DFFB: variants seen among roughly 807,000 people sequenced by gnomAD.
DFFB encodes DNA fragmentation factor subunit beta.
In DFFB, 29 loss-of-function variants were observed where a neutral mutation model predicts 32.7. The observed-to-expected ratio is 0.89, with a 90% confidence interval of 0.66 to 1.21. The LOEUF is 1.21. DFFB is among the 50% of genes most tolerant of loss of function. The probability of loss-of-function intolerance (pLI) is 0.00; values close to 1 mark genes in which losing one functional copy is unlikely to be tolerated. For synonymous variants in DFFB, 170 were observed against 177.1 expected (o/e 0.96, Z 0.32); for missense variants, 398 against 440.6 (o/e 0.90, Z 0.87).
At chr1:3,873,081 A>C in intron 6 of DFFB, 1 of 940,174 alleles carries the variant, frequency 1.1e-6, no homozygotes, top group Non-Finnish European at 1.4e-6. Flanking sequence ...TGAAGCCCTG[A>C]ACTCCTGGCC....
chr1:3,863,747 G>A (rs951409146), intron 2 of DFFB, among the ~76,000 whole-genome samples: 2 of 152,072 alleles, frequency 1.3e-5, no homozygotes, highest in Non-Finnish European at 2.9e-5. Flanking sequence ...ACATACAGTA[G>A]GGTTCCATTC....
intron 3 of DFFB, 81 bp downstream of exon 3, chr1:3,866,081 C>T: frequency 8.3e-7 from 1 of 1,211,172 alleles, no homozygotes; most frequent in Non-Finnish European, 1.1e-6. Flanking sequence ...CAAAAAGCCC[C>T]CAGTGAAGGG....
chr1:3,857,663 C>T lies in DFFB; in HGVS notation c.60C>T (p.Gly20=), dbSNP rs767448048. 3.1e-6 allele frequency: 5 copies of T among 1,597,140 alleles called. No individual in the cohort carries two copies. The highest frequency in any genetic ancestry group is 4.6e-5 in the East Asian group (2 of 43,688). Reference sequence around the variant, plus strand: ...CCCTGCGCAGCCCGAGGAAGTTCGGCGTGGCTGGCCGGAGCTGCCAGGAGG... The same window carrying T: ...CCCTGCGCAGCCCGAGGAAGTTCGGTGTGGCTGGCCGGAGCTGCCAGGAGG... ...LRALRSPRKF[G]VAGRSCQEVL... is the part of the protein sequence containing the mutation. The change falls in exon 1 of 7, where the codon GGC becomes GGT. Residue 20 remains glycine (G), a synonymous_variant. Transcript: ENST00000378209.
At position 3,869,612 on chromosome 1, in the gene DFFB, C is replaced by T. The variant is rs767679708; in HGVS notation, c.518C>T (p.Ser173Phe). ...RIRSYLREVS[S>F]YPSTVGAEAQ... ...GTTCCTTGGTTCCTCCAGGTGAGCTCCTACCCCTCCACGGTGGGTGCGGAG... is the reference window on the plus strand; with the variant it reads ...GTTCCTTGGTTCCTCCAGGTGAGCTTCTACCCCTCCACGGTGGGTGCGGAG... Residue 173 changes from serine (S) to phenylalanine (F), a missense_variant, in exon 5 of 7, where the codon TCC becomes TTC. By Grantham distance (155) the Ser-to-Phe change is radical. Transcript: ENST00000378209. 4.8e-5 allele frequency: 78 copies of T among 1,610,426 alleles called. No individual in the cohort carries two copies. Among genetic ancestry groups the T allele is most frequent in the Non-Finnish European group, 8.5e-6 (10 of 1,178,710 alleles).
At chr1:3,863,378 G>C (rs143741500) in intron 2 of DFFB, among the ~76,000 whole-genome samples, 2 of 152,270 alleles carry the variant, frequency 1.3e-5, no homozygotes, top group African/African-American at 4.8e-5. Flanking sequence ...TGTGGGCGAG[G>C]ATGCAGAGCG....
intron 6 of DFFB, among the ~76,000 whole-genome samples, chr1:3,881,291 A>C (rs922618669): frequency 6.6e-6 from 1 of 152,234 alleles, no homozygotes; most frequent in Admixed American, 6.5e-5. Context: ...CAACCCCCGG[A>C]AGCCACTGCA....
At chr1:3,861,924 AG>A (rs2124727771) in intron 2 of DFFB, among the ~76,000 whole-genome samples, 1 of 152,358 alleles carries the variant, frequency 6.6e-6, no homozygotes, top group South Asian at 2.1e-4. Flanking sequence ...CAGATTGGAA[AG>A]GAAGAAGTGA....
intron 4 of DFFB, 103 bp downstream of exon 4, chr1:3,868,156 C>A: frequency 9.6e-7 from 1 of 1,044,210 alleles, no homozygotes; most frequent in Non-Finnish European, 1.5e-6. Context: ...GGTAGGACCA[C>A]ACTCCGTGCT....
At position 3,883,925 on chromosome 1, in the gene DFFB, G is replaced by GCTGTT. The variant is rs1553172289; in HGVS notation, c.*184_*185insCTGTT. The stretch of plus-strand genomic sequence containing the variant: ...TTTCTGAATTGTTGGGGTTTTTTTT[G>GCTGTT]TTGTTTTGTTTTGTTTTGTAGATGG... On this transcript the variant is annotated 3_prime_UTR_variant, in exon 7 of 7. Coordinates refer to ENST00000378209, the MANE Select transcript of DFFB (RefSeq NM_004402.4). 11 of 602,234 alleles carry GCTGTT rather than the reference G, an allele frequency of 1.8e-5. No individual in the cohort carries two copies. In the African/African-American group the frequency reaches 1.9e-4, roughly 10 times the overall value. The allele number at this position is 602,234 out of a possible 1,614,324, so 37.3% of individuals were successfully genotyped here. A position where few individuals can be genotyped will look rare whatever the true frequency, so the allele number is the denominator to read the frequency against.
At chr1:3,875,756 A>G (rs1645209715) in intron 6 of DFFB, among the ~76,000 whole-genome samples, 1 of 152,062 alleles carries the variant, frequency 6.6e-6, no homozygotes, top group Non-Finnish European at 1.5e-5. Context: ...CGTTAATCCT[A>G]TGATATCTTT....
At chr1:3,870,979 G>A (rs1294357793) in intron 5 of DFFB, among the ~76,000 whole-genome samples, 1 of 152,230 alleles carries the variant, frequency 6.6e-6, no homozygotes, top group Admixed American at 6.5e-5. Flanking sequence ...CAGGGAAGAC[G>A]GAAGCTGTGG....
At chr1:3,879,819 G>A (rs1208524221) in intron 6 of DFFB, among the ~76,000 whole-genome samples, 1 of 152,160 alleles carries the variant, frequency 6.6e-6, no homozygotes, top group Non-Finnish European at 1.5e-5. Flanking sequence ...CAAAAGAAGT[G>A]CTTTTGGGTT....
At chr1:3,875,117 CTT>C (rs1043556020) in intron 6 of DFFB, among the ~76,000 whole-genome samples, 28 of 152,360 alleles carry the variant, frequency 1.8e-4, no homozygotes, top group African/African-American at 6.5e-4. Context: ...GTGCAGAACA[CTT>C]CACTTTTTGA....
intron 6 of DFFB, among the ~76,000 whole-genome samples, chr1:3,877,328 GTT>G (rs5772128): frequency 2.6e-5 from 3 of 113,882 alleles, no homozygotes; most frequent in Non-Finnish European, 5.1e-5. Flanking sequence ...TGGGAGTTCA[GTT>G]TTTTTTTTTT....
At chr1:3,861,746 G>A (rs1570895879) in intron 2 of DFFB, among the ~76,000 whole-genome samples, 2 of 152,198 alleles carry the variant, frequency 1.3e-5, no homozygotes, top group African/African-American at 2.4e-5. Context: ...AGGTTTTTGC[G>A]AGATGTAGGT....
At chr1:3,863,009 C>T (rs1477300576) in intron 2 of DFFB, among the ~76,000 whole-genome samples, 2 of 152,044 alleles carry the variant, frequency 1.3e-5, no homozygotes, top group South Asian at 2.1e-4. Flanking sequence ...ATTAGCCGGG[C>T]GTGGTGGCAG....
At chr1:3,874,105 G>A (rs1248986518) in intron 6 of DFFB, among the ~76,000 whole-genome samples, 1 of 151,504 alleles carries the variant, frequency 6.6e-6, no homozygotes, top group Non-Finnish European at 1.5e-5. Context: ...GGTGGCCCAC[G>A]CTGTCATCTG....
Position 3,875,341 on chromosome 1 carries a change from G to T in DFFB, c.782+2769G>T, listed in dbSNP as rs533734898. Among the ~76,000 whole-genome samples the T allele has an allele frequency of 1.1e-3, 166 of 152,164 alleles. 1 individual carries two copies. The highest frequency in any genetic ancestry group is 2.1e-3 in the Non-Finnish European group (146 of 68,030). On this transcript the variant is annotated intron_variant, in intron 6 of 6. Transcript: ENST00000378209. ...CAGGCCCCATCCAGACATAACCCAG[G>T]TGCCTGGGGATTGGGGTGTGCGTCC...
chr1:3,860,634 G>A, intron 2 of DFFB: 1 of 230,228 alleles, frequency 4.3e-6, no homozygotes, highest in Non-Finnish European at 9.4e-6. Flanking sequence ...AGATACAACC[G>A]TGGTACAATA....
Sources: gnomAD v4.1 joint callset for allele counts (sites outside exome capture counted in the v4.1 genomes callset) on GRCh38, gnomAD v4.1.1 for gene constraint, MANE v1.5 for transcripts, NCBI Gene and HGNC (gene_info 2026-07-23, HGNC 2026-07-21) for gene names.